The following MSRA variants were observed in gnomAD, a reference collection of about 807,000 sequenced individuals.
MSRA encodes the protein mitochondrial peptide methionine sulfoxide reductase.
Under a neutral mutation model 31.3 loss-of-function variants are expected in MSRA, and 54 were observed. The ratio of observed to expected loss-of-function variants is 1.73; its 90% CI spans 1.39 to 2.17. The LOEUF is 2.17. Among genes scored for constraint, MSRA ranks in the 30% most tolerant of loss-of-function variants. The pLI is 0.00. For missense variants in MSRA, 507 were observed against 300.9 expected (o/e 1.69, Z -5.07); for synonymous variants, 169 against 116.5 (o/e 1.45, Z -2.90).
chr8:10,150,709 GGCCTGTTCTGTCCCGTGTTCTGAA>G (rs1242339447), intron 1 of MSRA, among the ~76,000 whole-genome samples: 1 of 152,034 alleles, frequency 6.6e-6, no homozygotes, highest in Non-Finnish European at 1.5e-5. Context: ...GAAAACAGCC[GGCCTGTTCTGTCCCGTGTTCTGAA>G]GCCTGTTCTT....
rs945930376 is a variant in MSRA, at chr8:10,127,970, C to T, written c.142+73312C>T. On this transcript the variant is annotated intron_variant, in intron 1 of 5. Coordinates refer to ENST00000317173, the MANE Select transcript of MSRA (RefSeq NM_012331.5). The stretch of plus-strand genomic sequence containing the variant: ...CAGTGTTTCTCCTGGGGCAGTGTTT[C>T]ACACTGGGGCAAGTTGTGGACCCAC... Among the ~76,000 whole-genome samples the T allele has an allele frequency of 3.3e-5, 5 of 152,040 alleles. 1 individual carries two copies. The South Asian group carries it at 8.3e-4, about 25-fold the overall frequency.
chr8:10,062,394 C>G (rs1024963894), intron 1 of MSRA, among the ~76,000 whole-genome samples: 2 of 152,196 alleles, frequency 1.3e-5, no homozygotes, highest in East Asian at 3.8e-4. Context: ...ATCTTCCTCA[C>G]ATCATAAACT....
At chr8:10,149,199 G>A (rs1803433355) in intron 1 of MSRA, among the ~76,000 whole-genome samples, 1 of 151,544 alleles carries the variant, frequency 6.6e-6, no homozygotes, top group South Asian at 2.1e-4. Flanking sequence ...TCGGCTCACT[G>A]CAACTTCCGC....
At chr8:10,076,285 T>C (rs1298546230) in intron 1 of MSRA, among the ~76,000 whole-genome samples, 1 of 152,218 alleles carries the variant, frequency 6.6e-6, no homozygotes, top group Admixed American at 6.5e-5. Flanking sequence ...ACTGTCATAC[T>C]GTTGCCCTGT....
At chr8:10,153,041 G>C (rs1447261917) in intron 1 of MSRA, among the ~76,000 whole-genome samples, 1 of 152,204 alleles carries the variant, frequency 6.6e-6, no homozygotes, top group Non-Finnish European at 1.5e-5. Context: ...AAAGGATGCA[G>C]AGTTTCAGTT....
chr8:10,216,499 T>A (rs1810003795), intron 2 of MSRA, among the ~76,000 whole-genome samples: 1 of 152,226 alleles, frequency 6.6e-6, no homozygotes. Flanking sequence ...CATTGTTTTG[T>A]ACCCATCACC....
intron 2 of MSRA, among the ~76,000 whole-genome samples, chr8:10,236,309 A>G (rs769625047): frequency 6.6e-6 from 1 of 152,216 alleles, no homozygotes; most frequent in Non-Finnish European, 1.5e-5. Context: ...AGAGGGAGAC[A>G]GAAAACTCAT....
intron 1 of MSRA, among the ~76,000 whole-genome samples, chr8:10,183,759 G>T (rs934155701): frequency 6.7e-6 from 1 of 148,834 alleles, no homozygotes; most frequent in Admixed American, 6.6e-5. Flanking sequence ...TGGCATCAGG[G>T]TGACAAGCTG....
chr8:10,240,093 T>C (rs1243375915), intron 2 of MSRA, among the ~76,000 whole-genome samples: 2 of 152,200 alleles, frequency 1.3e-5, no homozygotes, highest in Admixed American at 6.5e-5. Context: ...GGGACAGAAG[T>C]TGGCCAAGAC....
At chr8:10,375,790 T>A (rs1018862202) in intron 5 of MSRA, among the ~76,000 whole-genome samples, 3 of 152,220 alleles carry the variant, frequency 2.0e-5, no homozygotes, top group Non-Finnish European at 4.4e-5. Context: ...CACAAATGCC[T>A]GGTCATGGTC....
chr8:10,175,527 T>A (rs1290932461), intron 1 of MSRA, among the ~76,000 whole-genome samples: 1 of 152,214 alleles, frequency 6.6e-6, no homozygotes, highest in Non-Finnish European at 1.5e-5. Context: ...TAAAAGTAAT[T>A]ATGCTGGGTG....
At chr8:10,198,383 C>A (rs1808181304) in intron 1 of MSRA, among the ~76,000 whole-genome samples, 1 of 151,490 alleles carries the variant, frequency 6.6e-6, no homozygotes, top group African/African-American at 2.4e-5. Flanking sequence ...TTCCTGATGC[C>A]AGGAAAAAAG....
intron 3 of MSRA, among the ~76,000 whole-genome samples, chr8:10,247,510 AT>A (rs1797684545): frequency 6.6e-6 from 1 of 152,218 alleles, no homozygotes; most frequent in Non-Finnish European, 1.5e-5. Context: ...TGCCAAGGAA[AT>A]TCTTTTGTCT....
chr8:10,182,027 G>C (rs1219416093), intron 1 of MSRA, among the ~76,000 whole-genome samples: 1 of 152,110 alleles, frequency 6.6e-6, no homozygotes, highest in African/African-American at 2.4e-5. Context: ...AGAGGATATA[G>C]TTCTCTTGGT....
intron 3 of MSRA, among the ~76,000 whole-genome samples, chr8:10,293,852 G>A (rs1333264313): frequency 6.6e-6 from 1 of 152,158 alleles, no homozygotes; most frequent in Admixed American, 6.5e-5. Context: ...CTGAGAGCTG[G>A]CTACTCAGGG....
chr8:10,409,567 A>T (rs1203904782), intron 5 of MSRA, among the ~76,000 whole-genome samples: 1 of 152,190 alleles, frequency 6.6e-6, no homozygotes, highest in East Asian at 1.9e-4. Flanking sequence ...AGCAGATACT[A>T]CTGTGATCTC....
chr8:10,147,619 G>C (rs996848278), intron 1 of MSRA, among the ~76,000 whole-genome samples: 3 of 152,326 alleles, frequency 2.0e-5, no homozygotes, highest in South Asian at 4.1e-4. Context: ...GGGCCATGGG[G>C]CTGTCCTGGG....
intron 5 of MSRA, among the ~76,000 whole-genome samples, chr8:10,321,782 A>C (rs1255980979): frequency 6.6e-6 from 1 of 152,182 alleles, no homozygotes; most frequent in Non-Finnish European, 1.5e-5. Context: ...GCCAAGAACT[A>C]TGTGAGTGAG....
intron 1 of MSRA, among the ~76,000 whole-genome samples, chr8:10,070,696 G>A (rs1025515193): frequency 4.6e-5 from 7 of 152,124 alleles, no homozygotes; most frequent in African/African-American, 1.4e-4. Flanking sequence ...GACCACTCCT[G>A]TTCTCCATTG....
Sources: allele counts gnomAD v4.1 joint callset (sites outside exome capture counted in the v4.1 genomes callset), GRCh38; gene constraint gnomAD v4.1.1; transcripts MANE v1.5; gene names NCBI Gene and HGNC (gene_info 2026-07-23, HGNC 2026-07-21).